Variants in CNIH4 observed in about 807,000 individuals in gnomAD.
CNIH4 encodes cornichon family member 4.
A neutral mutation model predicts 21.5 loss-of-function variants in CNIH4; 9 were observed. That is an observed-to-expected ratio of 0.42 (90% confidence interval 0.25 to 0.73). The LOEUF is 0.73. Among genes scored for constraint, CNIH4 ranks in the 30% least tolerant of loss-of-function variants. CNIH4 has a pLI of 0.27. For missense variants in CNIH4, 159 were observed against 170.0 expected (o/e 0.94, Z 0.36); for synonymous variants, 67 against 59.1 (o/e 1.13, Z -0.61).
intron 4 of CNIH4, among the ~76,000 whole-genome samples, chr1:224,375,259 T>G (rs1672747250): frequency 6.6e-6 from 1 of 152,152 alleles, no homozygotes; most frequent in Non-Finnish European, 1.5e-5. Flanking sequence ...AGACAACATG[T>G]AAGCCACAGC....
At chr1:224,369,996 C>T (rs974550098) in intron 3 of CNIH4, among the ~76,000 whole-genome samples, 7 of 151,902 alleles carry the variant, frequency 4.6e-5, no homozygotes, top group African/African-American at 7.3e-5. Flanking sequence ...GATTAGTACA[C>T]ATTGCATGCC....
At chr1:224,375,643 C>T (rs1438473442) in intron 4 of CNIH4, 152 bp from the exon 5 acceptor site, 1 of 777,440 alleles carries the variant, frequency 1.3e-6, no homozygotes, top group Non-Finnish European at 1.9e-6. Context: ...CATGAAAGAT[C>T]CTAATATATT....
rs773062618 is a variant in CNIH4, at chr1:224,365,944, G to T, written c.204G>T (p.Trp68Cys). The T allele has an allele frequency of 6.2e-7, 1 of 1,612,988 alleles. No homozygotes were observed. The highest frequency in any genetic ancestry group is 1.3e-5 in the African/African-American group (1 of 75,000). Reference sequence around the variant, plus strand: ...TATTACTGCTCATGTCATTGCACTGGTTCATCTTCCTTCTCAACTTACCTG... The same window carrying T: ...TATTACTGCTCATGTCATTGCACTGTTTCATCTTCCTTCTCAACTTACCTG... ...VTVLLLMSLH[W>C]FIFLLNLPVA... Residue 68 changes from tryptophan (W) to cysteine (C), a missense_variant, in exon 3 of 5, where the codon TGG becomes TGT. Coordinates refer to ENST00000465271, the MANE Select transcript of CNIH4 (RefSeq NM_014184.4).
At chr1:224,364,180 C>T (rs535323607) in intron 2 of CNIH4, 435 of 980,830 alleles carry the variant, frequency 4.4e-4, no homozygotes, top group African/African-American at 8.2e-4. Flanking sequence ...TTGAGCCCAG[C>T]GGTTCGAGAC....
At chr1:224,370,947 G>C (rs1672606138) in intron 3 of CNIH4, among the ~76,000 whole-genome samples, 1 of 150,846 alleles carries the variant, frequency 6.6e-6, no homozygotes, top group South Asian at 2.1e-4. Flanking sequence ...CACGATCTTG[G>C]TTCACTGCAA....
chr1:224,365,248 C>A (rs1435808798), intron 2 of CNIH4, among the ~76,000 whole-genome samples: 1 of 152,130 alleles, frequency 6.6e-6, no homozygotes, highest in East Asian at 1.9e-4. Context: ...GAATTGAGAA[C>A]CCTGCCACAA....
chr1:224,379,266 T>G lies in CNIH4; in HGVS notation c.*3444T>G. On this transcript the variant is annotated 3_prime_UTR_variant, in exon 5 of 5. Coordinates refer to ENST00000465271, the MANE Select transcript of CNIH4 (RefSeq NM_014184.4). ...TAAGAAAGCTTCCTATAGTAGTATC[T>G]CCCATGGCACTTACCACATTCTATC... 1 of 636,472 alleles carries G rather than the reference T, an allele frequency of 1.6e-6. No individual in the cohort carries two copies. Among genetic ancestry groups the G allele is most frequent in the South Asian group, 1.8e-5 (1 of 54,566 alleles). 39.4% of individuals were successfully genotyped at this position (636,472 alleles called of 1,614,324 possible).
In CNIH4 at chr1:224,378,009, G is replaced by T. The variant is rs1672826428; in HGVS notation, c.*2187G>T. ...AACAAAAACTCTTCCTTCTTGTATT[G>T]CTTGTCTATCAAAGCCAGGAAAGTG... On this transcript the variant is annotated 3_prime_UTR_variant, in exon 5 of 5. Coordinates refer to ENST00000465271, the MANE Select transcript of CNIH4 (RefSeq NM_014184.4). 1 of 151,986 alleles carries T rather than the reference G, an allele frequency of 6.6e-6. No individual in the cohort carries two copies. The highest frequency in any genetic ancestry group is 2.4e-5 in the African/African-American group (1 of 41,364). 9.4% of individuals were successfully genotyped at this position (151,986 alleles called of 1,614,324 possible).
chr1:224,364,139 G>A, intron 2 of CNIH4: 3 of 983,498 alleles, frequency 3.1e-6, no homozygotes, highest in Non-Finnish European at 3.6e-6. Context: ...CCTGTCCCCA[G>A]TACTTTGGGA....
intron 4 of CNIH4, among the ~76,000 whole-genome samples, chr1:224,375,298 TG>T (rs1466515481): frequency 1.3e-5 from 2 of 152,192 alleles, no homozygotes; most frequent in Non-Finnish European, 2.9e-5. Context: ...GGAAGGAGGC[TG>T]TGCAACTGCC....
At chr1:224,369,740 A>G (rs2102863348) in intron 3 of CNIH4, among the ~76,000 whole-genome samples, 1 of 144,866 alleles carries the variant, frequency 6.9e-6, no homozygotes, top group East Asian at 2.0e-4. Flanking sequence ...GTGATACCGC[A>G]ATCTTGGCTC....
chr1:224,375,915 A>T lies in CNIH4; in HGVS notation c.*93A>T, dbSNP rs971230456. ...AAATCATCCTTAGAACCGTGACCAT[A>T]GCAGTATATATTTTCCTCTTGGAAC... On this transcript the variant is annotated 3_prime_UTR_variant, in exon 5 of 5. Transcript: ENST00000465271. 3.1e-5 allele frequency: 46 copies of T among 1,497,656 alleles called. No homozygotes were observed. The highest frequency in any genetic ancestry group is 4.0e-5 in the Non-Finnish European group (45 of 1,117,946). The allele number at this position is 1,497,656 out of a possible 1,614,324, so 92.8% of individuals were successfully genotyped here. A position where few individuals can be genotyped will look rare whatever the true frequency, so the allele number is the denominator to read the frequency against.
intron 3 of CNIH4, among the ~76,000 whole-genome samples, chr1:224,370,109 A>G (rs1389798592): frequency 6.6e-6 from 1 of 152,120 alleles, no homozygotes; most frequent in Admixed American, 6.6e-5. Flanking sequence ...AAAGACAGCT[A>G]AGTAAGTGGT....
chr1:224,370,052 T>G lies in CNIH4; in HGVS notation c.252-1231T>G, dbSNP rs561584081. Among the ~76,000 whole-genome samples the G allele has an allele frequency of 1.2e-3, 182 of 151,662 alleles. 1 individual carries two copies. Among genetic ancestry groups the G allele is most frequent in the Non-Finnish European group, 2.1e-3 (142 of 67,916 alleles). ...AACCCATAAATATATATACCTACTG[T>G]GTACCCACAAAAATTAAAAATAAAA... On this transcript the variant is annotated intron_variant, in intron 3 of 4. Coordinates refer to ENST00000465271, the MANE Select transcript of CNIH4 (RefSeq NM_014184.4).
At chr1:224,358,160 GC>G (rs1672171809) in intron 1 of CNIH4, among the ~76,000 whole-genome samples, 1 of 152,162 alleles carries the variant, frequency 6.6e-6, no homozygotes, top group Admixed American at 6.5e-5. Flanking sequence ...CTAGCTCTTT[GC>G]TTGCACATTA....
Position 224,365,797 on chromosome 1 carries a change from G to C in CNIH4, c.139-82G>C, listed in dbSNP as rs191005062. On this transcript the variant is annotated intron_variant, in intron 2 of 4. Transcript: ENST00000465271. ...ACAGTAGCTTGTAAATTCTCTGTAC[G>C]TTCATTGATTTAGTTTCAAATAACA... 4.0e-4 allele frequency: 349 copies of C among 878,532 alleles called. 2 individuals carry two copies. Among genetic ancestry groups the C allele is most frequent in the South Asian group, 2.6e-3 (194 of 74,350 alleles). 54.4% of individuals were successfully genotyped at this position (878,532 alleles called of 1,614,324 possible).
intron 2 of CNIH4, chr1:224,364,127 C>T (rs1672380893): frequency 2.0e-6 from 2 of 984,568 alleles, no homozygotes; most frequent in Non-Finnish European, 2.4e-6. Flanking sequence ...CAGTGGCTGA[C>T]ACCTGTCCCC....
Position 224,360,489 on chromosome 1 carries a change from C to A in CNIH4, c.70-6C>A, listed in dbSNP as rs1462217936. On this transcript the variant is annotated splice_polypyrimidine_tract_variant and splice_region_variant and intron_variant, in intron 1 of 4. Transcript: ENST00000465271. ...AAATATAATAATTCCTTATCTTGATCATCAGATAATTACATTGTCTGATTT... is the reference window on the plus strand; with the variant it reads ...AAATATAATAATTCCTTATCTTGATAATCAGATAATTACATTGTCTGATTT... 3 of 1,328,770 alleles carry A rather than the reference C, an allele frequency of 2.3e-6. No individual in the cohort carries two copies. The highest frequency in any genetic ancestry group is 1.5e-5 in the South Asian group (1 of 66,986). The allele number at this position is 1,328,770 out of a possible 1,614,324, so 82.3% of individuals were successfully genotyped here.
rs1053050880 is a variant in CNIH4 at position 224,370,856 on chromosome 1, G to C, written c.252-427G>C. On this transcript the variant is annotated intron_variant, in intron 3 of 4. Coordinates refer to ENST00000465271, the MANE Select transcript of CNIH4 (RefSeq NM_014184.4). ...CTGTACATATGTGGTATGAATTTAA[G>C]GCTGCTATGATTGGCTCACTTTTTT... Among the ~76,000 whole-genome samples the C allele has an allele frequency of 2.0e-5, 3 of 151,726 alleles. No individual in the cohort carries two copies. The East Asian group carries it at 5.8e-4, about 29-fold the overall frequency.
Sources: allele counts gnomAD v4.1 joint callset (sites outside exome capture counted in the v4.1 genomes callset), GRCh38; gene constraint gnomAD v4.1.1; transcripts MANE v1.5; gene names NCBI Gene and HGNC (gene_info 2026-07-23, HGNC 2026-07-21).